SMAD5: variants seen among roughly 807,000 people sequenced by gnomAD.
SMAD5 encodes MAD, mothers against decapentaplegic homolog 5.
In SMAD5, 9 loss-of-function variants were observed where a neutral mutation model predicts 43.1. The ratio of observed to expected loss-of-function variants is 0.21; its 90% CI spans 0.13 to 0.36. SMAD5 has a LOEUF of 0.36. SMAD5 is among the 10% of genes least tolerant of loss of function. The probability of loss-of-function intolerance (pLI) is 1.00; values close to 1 mark genes in which losing one functional copy is unlikely to be tolerated. For missense variants in SMAD5, 348 were observed against 574.0 expected (o/e 0.61, Z 4.02); for synonymous variants, 190 against 192.4 (o/e 0.99, Z 0.10).
intron 3 of SMAD5, among the ~76,000 whole-genome samples, chr5:136,154,455 G>T (rs1012961860): frequency 2.6e-5 from 4 of 152,118 alleles, no homozygotes; most frequent in South Asian, 4.1e-4. Context: ...TAAGCTCCAA[G>T]TGTGTACTAT....
intron 6 of SMAD5, 85 bp from the exon 7 acceptor site, chr5:136,174,290 TG>T: frequency 7.9e-7 from 1 of 1,272,116 alleles, no homozygotes; most frequent in Non-Finnish European, 1.1e-6. Flanking sequence ...TGTGGATTAA[TG>T]GGTACTTTTG....
At chr5:136,169,300 G>T (rs541800331) in intron 5 of SMAD5, among the ~76,000 whole-genome samples, 4 of 152,132 alleles carry the variant, frequency 2.6e-5, no homozygotes, top group Non-Finnish European at 4.4e-5. Flanking sequence ...TCCTAGCCAC[G>T]CTGGCAGCTG....
chr5:136,165,865 G>C (rs1211344728), intron 5 of SMAD5, among the ~76,000 whole-genome samples: 1 of 151,326 alleles, frequency 6.6e-6, no homozygotes, highest in Non-Finnish European at 1.5e-5. Context: ...TGGCTATTGT[G>C]AATAATACTA....
At position 136,164,367 on chromosome 5, in the gene SMAD5, A is replaced by G. The variant is rs559445449; in HGVS notation, c.775+976A>G. Among the ~76,000 whole-genome samples, 10 of 152,314 alleles carry G rather than the reference A, an allele frequency of 6.6e-5. No homozygotes were observed. The South Asian group carries it at 1.9e-3, about 28-fold the overall frequency. ...CATTTTACATTCTCACCAGCAAAGT[A>G]TGAGGGTTCTATTTTCTCTGCATCC... is the stretch of plus-strand genomic sequence containing the variant. On this transcript the variant is annotated intron_variant, in intron 5 of 7. Coordinates refer to ENST00000545279, the MANE Select transcript of SMAD5 (RefSeq NM_005903.7).
chr5:136,142,841 G>A (rs1753552172), intron 1 of SMAD5, among the ~76,000 whole-genome samples: 1 of 152,060 alleles, frequency 6.6e-6, no homozygotes, highest in South Asian at 2.1e-4. Context: ...TAGGCTAAAT[G>A]GCATATGAAA....
At chr5:136,159,027 A>T (rs1440771226) in intron 3 of SMAD5, among the ~76,000 whole-genome samples, 9 of 152,240 alleles carry the variant, frequency 5.9e-5, no homozygotes, top group Non-Finnish European at 1.2e-4. Flanking sequence ...ATATTAGTGG[A>T]ATGTACTTAA....
rs1278375316 is a variant in SMAD5, at chr5:136,178,294, A to G, written c.*814A>G. On this transcript the variant is annotated 3_prime_UTR_variant, in exon 8 of 8. Transcript: ENST00000545279. ...GCTGCTTTTGGACAATGTTGCAAGAACTCTATTTTTGACATGCATTAATCT... is the reference window on the plus strand; with the variant it reads ...GCTGCTTTTGGACAATGTTGCAAGAGCTCTATTTTTGACATGCATTAATCT... The G allele has an allele frequency of 2.6e-5, 4 of 152,530 alleles. No individual in the cohort carries two copies. The highest frequency in any genetic ancestry group is 9.7e-5 in the African/African-American group (4 of 41,412). The allele number at this position is 152,530 out of a possible 1,614,324, so 9.4% of individuals were successfully genotyped here.
At chr5:136,167,962 C>T (rs192288061) in intron 5 of SMAD5, among the ~76,000 whole-genome samples, 1 of 152,058 alleles carries the variant, frequency 6.6e-6, no homozygotes, top group East Asian at 1.9e-4. Flanking sequence ...CCTCAGCCTC[C>T]GACTAGCTGG....
Position 136,179,207 on chromosome 5 carries a change from A to G in SMAD5, c.*1727A>G, listed in dbSNP as rs1054992283. ...AGAGAAAAGACATGAACGAACTCCA[A>G]AATATCCATTTAATCAATCATGTTT... On this transcript the variant is annotated 3_prime_UTR_variant, in exon 8 of 8. Transcript: ENST00000545279. 7.2e-5 allele frequency: 11 copies of G among 152,552 alleles called. No homozygotes were observed. Among genetic ancestry groups the G allele is most frequent in the African/African-American group, 1.7e-4 (7 of 41,448 alleles). The allele number at this position is 152,552 out of a possible 1,614,324, so 9.4% of individuals were successfully genotyped here.
At chr5:136,171,449 C>T (rs2149779836) in intron 5 of SMAD5, among the ~76,000 whole-genome samples, 1 of 152,328 alleles carries the variant, frequency 6.6e-6, no homozygotes, top group East Asian at 1.9e-4. Flanking sequence ...GGCACCTCCT[C>T]ACTCCACCCA....
intron 3 of SMAD5, among the ~76,000 whole-genome samples, chr5:136,155,883 A>AT (rs1024738124): frequency 1.3e-5 from 2 of 152,106 alleles, no homozygotes; most frequent in Admixed American, 6.5e-5. Context: ...TGCTCAGTAA[A>AT]TTTTTTTTAT....
chr5:136,139,417 C>T (rs1443191054), intron 1 of SMAD5, among the ~76,000 whole-genome samples: 1 of 152,032 alleles, frequency 6.6e-6, no homozygotes, highest in Non-Finnish European at 1.5e-5. Flanking sequence ...TCTGCATTTG[C>T]CAAATCAGTT....
At chr5:136,161,705 G>T (rs1307319292) in intron 4 of SMAD5, among the ~76,000 whole-genome samples, 3 of 152,110 alleles carry the variant, frequency 2.0e-5, no homozygotes, top group Non-Finnish European at 4.4e-5. Context: ...TCTAAATTTT[G>T]TTAATGGCAT....
At chr5:136,174,008 T>A (rs898146561) in intron 6 of SMAD5, among the ~76,000 whole-genome samples, 5 of 152,042 alleles carry the variant, frequency 3.3e-5, no homozygotes, top group African/African-American at 4.8e-5. Context: ...CAAATGACTG[T>A]TTATGATAGT....
In SMAD5 at chr5:136,172,481, G is replaced by A. The variant is rs1252933143; in HGVS notation, c.823G>A (p.Val275Ile). The A allele has an allele frequency of 2.5e-6, 4 of 1,613,156 alleles. No homozygotes were observed. In the African/African-American group the frequency reaches 4.0e-5, roughly 16 times the overall value. Residue 275 changes from valine (V) to isoleucine (I), a missense_variant, in exon 6 of 8, where the codon GTC becomes ATC. By Grantham distance (29) the Val-to-Ile change is conservative (BLOSUM62 3). This residue lies in a region of SMAD5 where 185 missense variants were observed against 207.0 expected (regional missense o/e 0.89). Coordinates refer to ENST00000545279, the MANE Select transcript of SMAD5 (RefSeq NM_005903.7). ...YEEPKHWCSI[V>I]YYELNNRVGE... is the part of the protein sequence containing the mutation. ...AGAGCCTAAACATTGGTGTTCAATAGTCTACTATGAATTAAACAATCGTGT... is the reference window on the plus strand; with the variant it reads ...AGAGCCTAAACATTGGTGTTCAATAATCTACTATGAATTAAACAATCGTGT...
chr5:136,141,460 G>A (rs888944468), intron 1 of SMAD5, among the ~76,000 whole-genome samples: 13 of 152,064 alleles, frequency 8.5e-5, no homozygotes, highest in Non-Finnish European at 1.0e-4. Context: ...GGTGTCTGTC[G>A]TGCTACGTTA....
At chr5:136,162,512 C>T (rs1753855511) in intron 4 of SMAD5, among the ~76,000 whole-genome samples, 1 of 152,140 alleles carries the variant, frequency 6.6e-6, no homozygotes. Context: ...TAGGAATTTG[C>T]TCAAAAACAA....
intron 2 of SMAD5, 71 bp from the exon 3 acceptor site, chr5:136,153,521 G>T (rs992122701): frequency 2.9e-6 from 1 of 346,412 alleles, no homozygotes; most frequent in Admixed American, 4.3e-5. Flanking sequence ...TATGCCTTTC[G>T]ATTATATTAA....
At chr5:136,170,337 A>G (rs1383056736) in intron 5 of SMAD5, among the ~76,000 whole-genome samples, 1 of 152,060 alleles carries the variant, frequency 6.6e-6, no homozygotes, top group East Asian at 1.9e-4. Context: ...TTTTTTGAAA[A>G]GATTTTTTTT....
Sources: allele counts gnomAD v4.1 joint callset (sites outside exome capture counted in the v4.1 genomes callset), GRCh38; gene constraint gnomAD v4.1.1; regional missense constraint gnomAD v4.1.1; transcripts MANE v1.5; gene names NCBI Gene and HGNC (gene_info 2026-07-23, HGNC 2026-07-21).